Variants in ARL6 observed in about 807,000 individuals in gnomAD.
ARL6 encodes ARF like GTPase 6.
In ARL6, 18 loss-of-function variants were observed where a neutral mutation model predicts 27.1. The ratio of observed to expected loss-of-function variants is 0.66; its 90% CI spans 0.46 to 0.98. The LOEUF (loss-of-function observed/expected upper bound fraction) is 0.98, where lower values mean the gene tolerates loss of function less well. Ranked by LOEUF, ARL6 falls within the 50% of genes least tolerant of loss-of-function variation. The pLI, the probability that ARL6 is intolerant of heterozygous loss-of-function variation, is 0.00. For missense variants in ARL6, 187 were observed against 214.9 expected, an observed-to-expected ratio of 0.87 and a Z score of 0.81; for synonymous variants, 65 against 72.3, an observed-to-expected ratio of 0.90 and a Z score of 0.51.
chr3:97,778,617 G>C (rs145979782), intron 2 of ARL6, among the ~76,000 whole-genome samples: 1 of 152,264 alleles, frequency 6.6e-6, no homozygotes, highest in Non-Finnish European at 1.5e-5. Flanking sequence ...AATTGGGGAA[G>C]AGACTGAAAT....
At chr3:97,773,796 T>G (rs1377776170) in intron 2 of ARL6, among the ~76,000 whole-genome samples, 1 of 152,246 alleles carries the variant, frequency 6.6e-6, no homozygotes, top group Admixed American at 6.5e-5. Context: ...CTGTAACTGG[T>G]CATGTGGTCA....
chr3:97,797,654 GAGA>G (rs1228710467), intron 7 of ARL6, among the ~76,000 whole-genome samples: 2 of 152,172 alleles, frequency 1.3e-5, no homozygotes, highest in African/African-American at 4.8e-5. Flanking sequence ...GGGAGGAATG[GAGA>G]AGAAGCAAAG....
chr3:97,780,804 T>A (rs954761091), intron 4 of ARL6, 121 bp downstream of exon 4: 6 of 770,850 alleles, frequency 7.8e-6, no homozygotes, highest in South Asian at 1.6e-5. Flanking sequence ...TTATGAACAT[T>A]TCCTATTTTA....
chr3:97,780,065 C>A, intron 2 of ARL6, 94 bp from the exon 3 acceptor site: 2 of 984,452 alleles, frequency 2.0e-6, no homozygotes, highest in Non-Finnish European at 3.3e-6. Flanking sequence ...TCCTTAGTGA[C>A]AGATTTTAGA....
rs919794549 is a variant in ARL6 at position 97,798,327 on chromosome 3, A to G, written c.*278A>G. The G allele has an allele frequency of 5.7e-5, 18 of 315,966 alleles. No individual in the cohort carries two copies. The highest frequency in any genetic ancestry group is 3.6e-4 in the African/African-American group (17 of 47,178). 19.6% of individuals were successfully genotyped at this position (315,966 alleles called of 1,614,324 possible). A position where few individuals can be genotyped will look rare whatever the true frequency, so the allele number is the denominator to read the frequency against. ...TACGTAGAATGTTTAAAAGTCAGTT[A>G]TAAGCCATCTCATCCCATCATAATT... On this transcript the variant is annotated 3_prime_UTR_variant, in exon 8 of 8. Coordinates refer to ENST00000463745, the MANE Select transcript of ARL6 (RefSeq NM_001278293.3).
intron 2 of ARL6, among the ~76,000 whole-genome samples, chr3:97,769,808 T>C (rs1427943420): frequency 1.3e-5 from 2 of 152,116 alleles, no homozygotes; most frequent in African/African-American, 4.8e-5. Context: ...GGACCTGGCT[T>C]ATTTCACTTA....
chr3:97,788,845 C>T (rs993076557), intron 6 of ARL6, among the ~76,000 whole-genome samples: 2 of 152,126 alleles, frequency 1.3e-5, no homozygotes, highest in South Asian at 2.1e-4. Context: ...AGAGATTATA[C>T]ATTAGATAGT....
At chr3:97,786,225 A>G (rs1056410148) in intron 5 of ARL6, among the ~76,000 whole-genome samples, 1 of 151,942 alleles carries the variant, frequency 6.6e-6, no homozygotes, top group Admixed American at 6.6e-5. Flanking sequence ...TGCACTTGTA[A>G]TCCCATATGC....
chr3:97,784,697 T>C (rs1430212582), intron 4 of ARL6, among the ~76,000 whole-genome samples: 1 of 151,856 alleles, frequency 6.6e-6, no homozygotes, highest in Non-Finnish European at 1.5e-5. Context: ...AAATTACTCA[T>C]TTTTTAAAAT....
intron 5 of ARL6, 30 bp from the exon 6 acceptor site, chr3:97,787,960 G>A (rs1406422041): frequency 6.2e-6 from 10 of 1,612,022 alleles, no homozygotes; most frequent in Non-Finnish European, 7.6e-6. Context: ...AAAGCTGGAA[G>A]TGTGATGATA....
At chr3:97,769,298 T>C (rs1559669381) in intron 2 of ARL6, among the ~76,000 whole-genome samples, 1 of 152,190 alleles carries the variant, frequency 6.6e-6, no homozygotes, top group Non-Finnish European at 1.5e-5. Context: ...GATCGCTTTT[T>C]TCAAGAATCT....
In ARL6 at chr3:97,775,981, T is replaced by G. The variant is rs549694844; in HGVS notation, c.124-4178T>G. ...TAGAGTTCAGTTTAACTTGGATTTC[T>G]TTTGTTGTTGATTTTTCTGTCTGAA... On this transcript the variant is annotated intron_variant, in intron 2 of 7. Coordinates refer to ENST00000463745, the MANE Select transcript of ARL6 (RefSeq NM_001278293.3). 1.2e-4 allele frequency among the ~76,000 whole-genome samples: 18 copies of G among 152,318 alleles called. No homozygotes were observed. The East Asian group carries it at 3.3e-3, about 28-fold the overall frequency.
chr3:97,777,743 A>T (rs566333209), intron 2 of ARL6, among the ~76,000 whole-genome samples: 1 of 152,280 alleles, frequency 6.6e-6, no homozygotes, highest in East Asian at 1.9e-4. Flanking sequence ...TATCTTTTGG[A>T]ATATGTTAGA....
intron 4 of ARL6, 118 bp downstream of exon 4, chr3:97,780,801 C>T (rs2037159245): frequency 3.9e-6 from 3 of 770,250 alleles, no homozygotes. Flanking sequence ...AATTTATGAA[C>T]ATTTCCTATT....
chr3:97,796,623 C>A (rs2038017396), intron 7 of ARL6, among the ~76,000 whole-genome samples: 1 of 152,004 alleles, frequency 6.6e-6, no homozygotes, highest in African/African-American at 2.4e-5. Flanking sequence ...GAGCTCAATA[C>A]AGTGGATAAA....
chr3:97,769,142 G>T (rs1396884800), intron 2 of ARL6, among the ~76,000 whole-genome samples: 1 of 152,022 alleles, frequency 6.6e-6, no homozygotes, highest in Non-Finnish European at 1.5e-5. Context: ...TCTCATTTTT[G>T]TGGATAAAAT....
At chr3:97,778,577 T>C (rs1228917452) in intron 2 of ARL6, among the ~76,000 whole-genome samples, 3 of 152,182 alleles carry the variant, frequency 2.0e-5, no homozygotes, top group African/African-American at 7.2e-5. Flanking sequence ...AAGGGAGTTT[T>C]TTTTAAAGTT....
At chr3:97,770,001 G>T (rs2036564235) in intron 2 of ARL6, among the ~76,000 whole-genome samples, 1 of 152,060 alleles carries the variant, frequency 6.6e-6, no homozygotes, top group African/African-American at 2.4e-5. Flanking sequence ...ACTTGGGAGT[G>T]CAGGTATCTC....
chr3:97,789,583 G>C (rs2037625932), intron 6 of ARL6, among the ~76,000 whole-genome samples: 1 of 152,010 alleles, frequency 6.6e-6, no homozygotes, highest in Non-Finnish European at 1.5e-5. Flanking sequence ...AAGGATGTAG[G>C]ATGTTATTTT....
Sources: gnomAD v4.1 joint callset for allele counts (sites outside exome capture counted in the v4.1 genomes callset) on GRCh38, gnomAD v4.1.1 for gene constraint, MANE v1.5 for transcripts, NCBI Gene and HGNC (gene_info 2026-07-23, HGNC 2026-07-21) for gene names.